SYTL2: variants seen among roughly 807,000 people sequenced by gnomAD.
The protein encoded by SYTL2 is synaptotagmin-like protein 2.
In SYTL2, 165 loss-of-function variants were observed where a neutral mutation model predicts 198.7. The ratio of observed to expected loss-of-function variants is 0.83; its 90% CI spans 0.73 to 0.94. The LOEUF is 0.94. SYTL2 is among the 40% of genes least tolerant of loss of function. The pLI is 0.00. For synonymous variants in SYTL2, 966 were observed against 917.7 expected, an observed-to-expected ratio of 1.05 and a Z score of -0.95; for missense variants, 2,835 against 2,582.8, an observed-to-expected ratio of 1.10 and a Z score of -2.12.
At chr11:85,712,476 C>A (rs553378962) in intron 12 of SYTL2, among the ~76,000 whole-genome samples, 1 of 152,118 alleles carries the variant, frequency 6.6e-6, no homozygotes, top group Non-Finnish European at 1.5e-5. Flanking sequence ...TCAAAGGGAA[C>A]AGATGAGCAA....
intron 18 of SYTL2, chr11:85,696,635 A>G: frequency 1.9e-6 from 1 of 518,378 alleles, no homozygotes; most frequent in Non-Finnish European, 3.5e-6. Flanking sequence ...TATGCATTTT[A>G]GGGAAAGTTA....
chr11:85,750,353 G>A (rs938251955), intron 2 of SYTL2, among the ~76,000 whole-genome samples: 1 of 152,090 alleles, frequency 6.6e-6, no homozygotes, highest in East Asian at 1.9e-4. Flanking sequence ...AAGTCTCATG[G>A]GATGTCTTTC....
intron 12 of SYTL2, among the ~76,000 whole-genome samples, chr11:85,713,109 AG>A (rs1004036346): frequency 6.6e-6 from 1 of 152,202 alleles, no homozygotes; most frequent in Non-Finnish European, 1.5e-5. Flanking sequence ...TTCTTTCCAA[AG>A]GAAACTGTAA....
intron 1 of SYTL2, among the ~76,000 whole-genome samples, chr11:85,795,147 T>C (rs552000186): frequency 6.6e-6 from 1 of 152,182 alleles, no homozygotes; most frequent in Non-Finnish European, 1.5e-5. Flanking sequence ...ATAGTGAACC[T>C]TGTATTAGCT....
chr11:85,814,032 A>G (rs185026438), upstream of SYTL2, among the ~76,000 whole-genome samples: 269 of 152,252 alleles, frequency 1.8e-3, no homozygotes, highest in Admixed American at 4.1e-3. Context: ...TCTGTTAGCG[A>G]TTGTTCTTCT....
intron 11 of SYTL2, 147 bp from the exon 12 acceptor site, chr11:85,714,654 T>C: frequency 7.2e-7 from 1 of 1,394,090 alleles, no homozygotes; most frequent in African/African-American, 1.5e-5. Flanking sequence ...ATGCACAGGA[T>C]CATGAGATTA....
chr11:85,736,507 T>C lies in SYTL2; in HGVS notation c.580A>G (p.Lys194Glu). 1 of 1,537,632 alleles carries C rather than the reference T, an allele frequency of 6.5e-7. No individual in the cohort carries two copies. The highest frequency in any genetic ancestry group is 1.7e-5 in the Admixed American group (1 of 58,178). ...NGRTGLFQTSKEDELSESKEK... is the reference protein window; with the variant it reads ...NGRTGLFQTSEEDELSESKEK... ...TCATAAAAATAATATTTACCCTCTTTTGAAGTCTGAAATAAACCAGTTCTT... is the reference window on the plus strand; with the variant it reads ...TCATAAAAATAATATTTACCCTCTTCTGAAGTCTGAAATAAACCAGTTCTT... The change falls in exon 6 of 20, where the codon AAA becomes GAA. Residue 194 changes from lysine to glutamate, a missense_variant. Physicochemically the swap from Lys to Glu is moderately conservative, Grantham distance 56 (BLOSUM62 1). Coordinates refer to ENST00000359152, the MANE Select transcript of SYTL2 (RefSeq NM_206927.4).
At chr11:85,807,450 A>G (rs1384563523) in intron 1 of SYTL2, among the ~76,000 whole-genome samples, 1 of 152,236 alleles carries the variant, frequency 6.6e-6, no homozygotes, top group Non-Finnish European at 1.5e-5. Flanking sequence ...AACAAACAAT[A>G]ACACCTGACA....
intron 2 of SYTL2, among the ~76,000 whole-genome samples, chr11:85,751,567 A>T (rs1481918430): frequency 2.0e-5 from 3 of 152,212 alleles, no homozygotes; most frequent in Non-Finnish European, 2.9e-5. Flanking sequence ...CGCTCAGTAA[A>T]CACCGGTGGG....
the SYTL2 span, among the ~76,000 whole-genome samples, chr11:85,842,710 C>T: frequency 6.6e-6 from 1 of 152,170 alleles, no homozygotes; most frequent in East Asian, 1.9e-4. Flanking sequence ...GCCTTATCAG[C>T]CATGTCAGAA....
At chr11:85,723,256 C>A (rs1271415465) in intron 8 of SYTL2, among the ~76,000 whole-genome samples, 1 of 152,192 alleles carries the variant, frequency 6.6e-6, no homozygotes, top group Non-Finnish European at 1.5e-5. Flanking sequence ...CTCAGGTCAT[C>A]AACTTAGCCA....
rs774211676 is a variant in SYTL2, at chr11:85,726,116, A to C, written c.3242T>G (p.Leu1081Trp). ...LSPLRKYTYQ[L>W]PGNESSKENV... ...TTCCTTTGATGACTCATTTCCTGGC[A>C]ACTGATAAGTATACTTTCTAAGTGG... The change falls in exon 8 of 20, where the codon TTG (leucine) becomes TGG (tryptophan). Residue 1081 changes from leucine to tryptophan, a missense_variant. Leu to Trp is a moderately conservative substitution (Grantham distance 61, BLOSUM62 -2). Around this residue, in one of 3 missense-constraint regions of SYTL2, gnomAD observed 2,645 missense variants for 2,381.7 expected, o/e 1.11. Transcript: ENST00000359152. 1 of 1,614,036 alleles carries C rather than the reference A, an allele frequency of 6.2e-7. No homozygotes were observed. The highest frequency in any genetic ancestry group is 1.1e-5 in the South Asian group (1 of 91,048).
At chr11:85,852,367 T>C in the SYTL2 span, among the ~76,000 whole-genome samples, 13 of 150,876 alleles carry the variant, frequency 8.6e-5, no homozygotes, top group Admixed American at 5.3e-4. Context: ...CCTCCCCCTC[T>C]CCCTCTCCCC....
intron 1 of SYTL2, among the ~76,000 whole-genome samples, chr11:85,796,238 G>A (rs2092802275): frequency 6.6e-6 from 1 of 152,130 alleles, no homozygotes. Context: ...TTCTTATCTA[G>A]GTTATATGGC....
chr11:85,852,576 G>A, the SYTL2 span: 4 of 166,570 alleles, frequency 2.4e-5, no homozygotes, highest in East Asian at 3.7e-4. Context: ...GGGGTTTCAC[G>A]TGTTGGCTGG....
chr11:85,852,022 C>T, the SYTL2 span, among the ~76,000 whole-genome samples: 5,807 of 152,112 alleles, frequency 0.038, 261 homozygotes, highest in African/African-American at 0.11. Flanking sequence ...AGGTGGAACA[C>T]GTAAGTTATC....
the SYTL2 span, among the ~76,000 whole-genome samples, chr11:85,833,006 G>GAAAAGAAAAGA: frequency 3.2e-5 from 2 of 62,336 alleles, 1 homozygote; most frequent in African/African-American, 1.3e-4. Context: ...AAAAAAAAAA[G>GAAAAGAAAAGA]AAAGAAAAGA....
chr11:85,822,056 A>T, the SYTL2 span, among the ~76,000 whole-genome samples: 1 of 152,238 alleles, frequency 6.6e-6, no homozygotes, highest in Non-Finnish European at 1.5e-5. Flanking sequence ...TCTAATAGTT[A>T]TACCAAATTC....
intron 1 of SYTL2, among the ~76,000 whole-genome samples, chr11:85,765,007 T>G (rs953670310): frequency 6.6e-6 from 1 of 152,232 alleles, no homozygotes; most frequent in African/African-American, 2.4e-5. Context: ...ATATTTTGTT[T>G]CTGTGTGGTC....
Sources: allele counts gnomAD v4.1 joint callset (sites outside exome capture counted in the v4.1 genomes callset), GRCh38; gene constraint gnomAD v4.1.1; regional missense constraint gnomAD v4.1.1; transcripts MANE v1.5; gene names NCBI Gene and HGNC (gene_info 2026-07-23, HGNC 2026-07-21).